HMGA2: variants seen among roughly 807,000 people sequenced by gnomAD.
HMGA2 encodes the protein high mobility group protein HMGI-C.
Under a neutral mutation model 19.1 loss-of-function variants are expected in HMGA2, and 8 were observed. The ratio of observed to expected loss-of-function variants is 0.42; its 90% CI spans 0.25 to 0.76. The LOEUF is 0.76. Among genes scored for constraint, HMGA2 ranks in the 30% least tolerant of loss-of-function variants. HMGA2 has a pLI of 0.28. For synonymous variants in HMGA2, 60 were observed against 48.8 expected (o/e 1.23, Z -0.96); for missense variants, 109 against 136.3 (o/e 0.80, Z 1.00).
chr12:65,841,171 G>A (rs115760339), intron 3 of HMGA2, among the ~76,000 whole-genome samples: 3 of 151,904 alleles, frequency 2.0e-5, no homozygotes, highest in Non-Finnish European at 2.9e-5. Flanking sequence ...TTTTCTTAAC[G>A]GATTCTTGCT....
chr12:65,833,487 A>C (rs1870564337), intron 2 of HMGA2, among the ~76,000 whole-genome samples: 1 of 151,990 alleles, frequency 6.6e-6, no homozygotes, highest in Admixed American at 6.6e-5. Flanking sequence ...CAGTACATAA[A>C]AAAAATGATG....
chr12:65,857,721 T>C (rs966640703), intron 3 of HMGA2: 5 of 152,200 alleles, frequency 3.3e-5, no homozygotes, highest in Non-Finnish European at 5.9e-5. Flanking sequence ...AACGAAGTCA[T>C]GGGAATGGAT....
intron 3 of HMGA2, chr12:65,842,685 T>C (rs1318562902): frequency 6.6e-7 from 1 of 1,526,670 alleles, no homozygotes; most frequent in Non-Finnish European, 8.8e-7. Context: ...GTATTTCTGC[T>C]GTTTGCCTCA....
intron 3 of HMGA2, among the ~76,000 whole-genome samples, chr12:65,924,826 C>A (rs1875448813): frequency 1.3e-5 from 2 of 152,142 alleles, no homozygotes; most frequent in African/African-American, 4.8e-5. Context: ...ATTGTGAAGT[C>A]TTTGGCAACT....
chr12:65,935,028 C>T (rs376850121), intron 3 of HMGA2: 9 of 152,324 alleles, frequency 5.9e-5, no homozygotes, highest in African/African-American at 1.9e-4. Context: ...CCCATGTAAC[C>T]CTGTCACCAC....
intron 3 of HMGA2, among the ~76,000 whole-genome samples, chr12:65,940,530 G>A (rs957228387): frequency 1.3e-5 from 2 of 152,086 alleles, no homozygotes; most frequent in African/African-American, 4.8e-5. Context: ...ATAGTCCAAG[G>A]AAGCTAGATT....
intron 3 of HMGA2, among the ~76,000 whole-genome samples, chr12:65,861,050 A>G (rs1264307849): frequency 6.6e-6 from 1 of 152,190 alleles, no homozygotes; most frequent in Non-Finnish European, 1.5e-5. Context: ...TTAAGAAAAA[A>G]ACGTGTCTAT....
intron 4 of HMGA2, chr12:65,954,002 C>A (rs1444460798): frequency 1.3e-5 from 2 of 152,098 alleles, no homozygotes; most frequent in Non-Finnish European, 2.9e-5. Flanking sequence ...AAAATTTTAG[C>A]ACAACTAAAT....
chr12:65,860,329 CT>C (rs970689692), intron 3 of HMGA2, among the ~76,000 whole-genome samples: 4 of 152,148 alleles, frequency 2.6e-5, no homozygotes, highest in Non-Finnish European at 5.9e-5. Flanking sequence ...GAATACTGTA[CT>C]GAAAGTGAAA....
intron 4 of HMGA2, chr12:65,958,414 TA>T (rs1192259775): frequency 6.6e-6 from 1 of 152,244 alleles, no homozygotes; most frequent in African/African-American, 2.4e-5. Flanking sequence ...ACATGTTTTT[TA>T]AAAATCTGCT....
intron 3 of HMGA2, among the ~76,000 whole-genome samples, chr12:65,841,910 T>C (rs978551374): frequency 6.6e-6 from 1 of 152,150 alleles, no homozygotes; most frequent in African/African-American, 2.4e-5. Context: ...GGATGAAGCA[T>C]TGGCCAATTC....
intron 3 of HMGA2, among the ~76,000 whole-genome samples, chr12:65,945,977 T>C (rs1174998013): frequency 6.6e-6 from 1 of 152,200 alleles, no homozygotes; most frequent in African/African-American, 2.4e-5. Flanking sequence ...AAGGACTCTT[T>C]TGGAAGTTGA....
chr12:65,861,292 G>A (rs906906224), intron 3 of HMGA2, among the ~76,000 whole-genome samples: 9 of 152,258 alleles, frequency 5.9e-5, no homozygotes, highest in Non-Finnish European at 1.3e-4. Flanking sequence ...CTTGAACCTG[G>A]GAGGTGGAGG....
intron 3 of HMGA2, among the ~76,000 whole-genome samples, chr12:65,905,540 TG>T (rs1263642503): frequency 1.8e-4 from 28 of 152,224 alleles, no homozygotes; most frequent in Non-Finnish European, 3.8e-4. Context: ...AAATACCTCA[TG>T]TCCAAACCTG....
At position 65,963,986 on chromosome 12, in the gene HMGA2, A is replaced by G. The variant is rs1292485061; in HGVS notation, c.*694A>G. 1 of 208,930 alleles carries G rather than the reference A, an allele frequency of 4.8e-6. No homozygotes were observed. The highest frequency in any genetic ancestry group is 7.3e-5 in the East Asian group (1 of 13,624). 12.9% of individuals were successfully genotyped at this position (208,930 alleles called of 1,614,324 possible). ...GGAAGTAAGCAAACAAATATTGCCA[A>G]CTCTTCTATTTATGGATATCACACA... On this transcript the variant is annotated 3_prime_UTR_variant, in exon 5 of 5. Transcript: ENST00000403681.
At chr12:65,939,798 C>T (rs930850968) in intron 3 of HMGA2, among the ~76,000 whole-genome samples, 14 of 152,152 alleles carry the variant, frequency 9.2e-5, no homozygotes, top group African/African-American at 3.4e-4. Flanking sequence ...AGAGACCATA[C>T]TGGACAAGGG....
Position 65,965,615 on chromosome 12 carries a change from A to T in HMGA2, c.*2323A>T, listed in dbSNP as rs1030044836. 6.4e-5 allele frequency: 14 copies of T among 217,720 alleles called. No individual in the cohort carries two copies. Among genetic ancestry groups the T allele is most frequent in the Middle Eastern group, 1.4e-3 (1 of 690 alleles). The allele number at this position is 217,720 out of a possible 1,614,324, so 13.5% of individuals were successfully genotyped here. On this transcript the variant is annotated 3_prime_UTR_variant, in exon 5 of 5. Coordinates refer to ENST00000403681, the MANE Select transcript of HMGA2 (RefSeq NM_003483.6). ...CAACATTACTGTTAACTGTGCGTTA[A>T]ATAAGCAAATAAACAGTGGCTCATA...
At chr12:65,919,657 C>A (rs74097830) in intron 3 of HMGA2, among the ~76,000 whole-genome samples, 9 of 152,200 alleles carry the variant, frequency 5.9e-5, no homozygotes, top group African/African-American at 1.9e-4. Flanking sequence ...ATAGCATGTT[C>A]TATTACTTGC....
chr12:65,917,001 T>A (rs1264082901), intron 3 of HMGA2, among the ~76,000 whole-genome samples: 7 of 152,214 alleles, frequency 4.6e-5, no homozygotes, highest in Admixed American at 4.6e-4. Flanking sequence ...CTATATATTT[T>A]GTAGACACTG....
Sources: allele counts gnomAD v4.1 joint callset (sites outside exome capture counted in the v4.1 genomes callset), GRCh38; gene constraint gnomAD v4.1.1; transcripts MANE v1.5; gene names NCBI Gene and HGNC (gene_info 2026-07-23, HGNC 2026-07-21).